The following PLEKHM1 variants were observed in gnomAD, a reference collection of about 807,000 sequenced individuals.
PLEKHM1 encodes the protein pleckstrin homology domain-containing family M member 1.
A neutral mutation model predicts 94.3 loss-of-function variants in PLEKHM1; 28 were observed. That is an observed-to-expected ratio of 0.30 (90% confidence interval 0.22 to 0.41). The LOEUF is 0.41. Among genes scored for constraint, PLEKHM1 ranks in the 10% least tolerant of loss-of-function variants. The probability of loss-of-function intolerance (pLI) is 1.00; values close to 1 mark genes in which losing one functional copy is unlikely to be tolerated. For missense variants in PLEKHM1, 907 were observed against 1,358.6 expected, an observed-to-expected ratio of 0.67 and a Z score of 5.22; for synonymous variants, 424 against 581.2, an observed-to-expected ratio of 0.73 and a Z score of 3.89.
At chr17:45,472,774 G>A (rs1249591072) in intron 4 of PLEKHM1, among the ~76,000 whole-genome samples, 1 of 152,148 alleles carries the variant, frequency 6.6e-6, no homozygotes, top group East Asian at 1.9e-4. Context: ...CTTGTAAGTG[G>A]TGGAACAGGA....
intron 9 of PLEKHM1, among the ~76,000 whole-genome samples, chr17:45,442,580 C>T (rs553905248): frequency 1.2e-4 from 18 of 152,200 alleles, no homozygotes; most frequent in African/African-American, 4.3e-4. Flanking sequence ...TAATTTTGTA[C>T]TTTTAGTAGA....
intron 1 of PLEKHM1, among the ~76,000 whole-genome samples, chr17:45,489,457 T>C (rs1329568537): frequency 6.6e-6 from 1 of 152,214 alleles, no homozygotes; most frequent in African/African-American, 2.4e-5. Flanking sequence ...ACAGCTTCCA[T>C]CATTCTGTGC....
chr17:45,473,289 T>C (rs1270683855), intron 4 of PLEKHM1, among the ~76,000 whole-genome samples: 7 of 151,466 alleles, frequency 4.6e-5, no homozygotes, highest in Non-Finnish European at 7.4e-5. Flanking sequence ...CAATATGCAA[T>C]AGAAAAAAAA....
At chr17:45,467,644 C>T (rs1196444087) in intron 5 of PLEKHM1, among the ~76,000 whole-genome samples, 9 of 152,028 alleles carry the variant, frequency 5.9e-5, no homozygotes, top group Admixed American at 5.9e-4. Context: ...ACCTGTAATC[C>T]CAGCTACTCA....
chr17:45,475,020 G>T (rs1376380189), intron 4 of PLEKHM1, 80 bp downstream of exon 4: 2 of 1,453,872 alleles, frequency 1.4e-6, no homozygotes, highest in East Asian at 4.7e-5. Context: ...ACAATCACAT[G>T]CTATGGGAAG....
intron 2 of PLEKHM1, among the ~76,000 whole-genome samples, chr17:45,481,137 C>T (rs554367128): frequency 7.0e-4 from 106 of 152,160 alleles, no homozygotes; most frequent in African/African-American, 2.5e-3. Context: ...ACTGTGGTTT[C>T]GATGTGCATT....
chr17:45,443,684 G>A (rs2050517451), intron 9 of PLEKHM1, among the ~76,000 whole-genome samples: 1 of 151,876 alleles, frequency 6.6e-6, no homozygotes, highest in African/African-American at 2.4e-5. Context: ...ACACAGGTCT[G>A]CATGCCTGTG....
rs1234530348 is a variant in PLEKHM1, at chr17:45,437,378, G to A, written c.*480C>T. ...CCTGAGTGGCTCCTGTGCATCCGCT[G>A]GGGGTGAGAATGTCTGGATTTCATG... On this transcript the variant is annotated 3_prime_UTR_variant, in exon 12 of 12. Coordinates refer to ENST00000430334, the MANE Select transcript of PLEKHM1 (RefSeq NM_014798.3). This position sits in a 1 kb window ranked among gnomAD's most constrained non-coding sequence, Gnocchi z 4.0. 2.2e-6 allele frequency: 1 copy of A among 454,328 alleles called. No individual in the cohort carries two copies. Among genetic ancestry groups the A allele is most frequent in the Admixed American group, 2.3e-5 (1 of 42,592 alleles). The allele number at this position is 454,328 out of a possible 1,614,324, so 28.1% of individuals were successfully genotyped here.
rs528139392 is a variant in PLEKHM1 at position 45,475,237 on chromosome 17, C to T, written c.786G>A (p.Leu262=). 1.9e-6 allele frequency: 3 copies of T among 1,613,970 alleles called. No homozygotes were observed. The East Asian group carries it at 6.7e-5, about 36-fold the overall frequency. The change falls in exon 4 of 12, where the codon CTG becomes CTA. Residue 262 remains leucine, a synonymous_variant. Coordinates refer to ENST00000430334, the MANE Select transcript of PLEKHM1 (RefSeq NM_014798.3). ...AGCTATCAGAGTTTAGGCTGCAGGA[C>T]AGCTGGGATGAACTGGCCGTGTCCA... The part of the protein sequence containing the change: ...LSLDTASSSQ[L]SCSLNSDSCL...
At chr17:45,476,787 C>T (rs544238212) in intron 3 of PLEKHM1, among the ~76,000 whole-genome samples, 1 of 152,260 alleles carries the variant, frequency 6.6e-6, no homozygotes, top group East Asian at 1.9e-4. Flanking sequence ...GATGTACATG[C>T]CCCTCTGAGC....
Position 45,486,232 on chromosome 17 carries a change from AAATAAAAAAATAAT to A in PLEKHM1, c.-41-3721_-41-3708del, listed in dbSNP as rs1479766085. Among the ~76,000 whole-genome samples, 61 of 145,240 alleles carry A rather than the reference AAATAAAAAAATAAT, an allele frequency of 4.2e-4. 1 individual carries two copies. Among genetic ancestry groups the A allele is most frequent in the African/African-American group, 1.5e-3 (58 of 39,978 alleles). The stretch of plus-strand genomic sequence containing the variant: ...ACTCCGTCTCAAAAAAAAAAAGATA[AAATAAAAAAATAAT>A]AATAATAATAATAATTTATGTCTCA... On this transcript the variant is annotated intron_variant, in intron 1 of 11. Transcript: ENST00000430334.
intron 9 of PLEKHM1, 56 bp from the exon 10 acceptor site, chr17:45,440,282 T>A (rs967233097): frequency 1.0e-5 from 16 of 1,543,852 alleles, no homozygotes; most frequent in Middle Eastern, 1.7e-4. Flanking sequence ...CAGGCTAGCC[T>A]GTGTTGTTTG....
Position 45,453,754 on chromosome 17 carries a change from G to A in PLEKHM1, c.2098C>T (p.Pro700Ser), listed in dbSNP as rs773494068. 1.2e-6 allele frequency: 2 copies of A among 1,613,946 alleles called. No individual in the cohort carries two copies. Among genetic ancestry groups the A allele is most frequent in the East Asian group, 2.2e-5 (1 of 44,880 alleles). ...TCCAAGGACAGAGAAAATATATAGG[G>A]CATCCAGGTCCTGTCCATGTACAAG... ...LYLYMDRTWMPYIFSLSLEAL... is the reference protein window; with the variant it reads ...LYLYMDRTWMSYIFSLSLEAL... Residue 700 changes from proline (P) to serine (S), a missense_variant, in exon 7 of 12, where the codon CCC (proline) becomes TCC (serine). Physicochemically the swap from Pro to Ser is moderately conservative, Grantham distance 74 (BLOSUM62 -1). Around this residue, in one of 3 missense-constraint regions of PLEKHM1, gnomAD observed 477 missense variants for 601.5 expected, o/e 0.79. Coordinates refer to ENST00000430334, the MANE Select transcript of PLEKHM1 (RefSeq NM_014798.3). The surrounding 1 kb of genome is among the most constrained non-coding windows in gnomAD (Gnocchi z 4.1).
At position 45,436,882 on chromosome 17, in the gene PLEKHM1, G is replaced by A. The variant is rs1156915362; in HGVS notation, c.*976C>T. The A allele has an allele frequency of 2.2e-6, 1 of 452,296 alleles. No homozygotes were observed. Among genetic ancestry groups the A allele is most frequent in the Admixed American group, 2.4e-5 (1 of 42,540 alleles). 28.0% of individuals were successfully genotyped at this position (452,296 alleles called of 1,614,324 possible). ...GGCGTGGCTGCCTGCCCTCTCTGGG[G>A]TCCTGCCTATCTGTGCCCTGGCAGG... On this transcript the variant is annotated 3_prime_UTR_variant, in exon 12 of 12. Transcript: ENST00000430334.
chr17:45,439,169 A>G (rs1248048658), intron 11 of PLEKHM1, among the ~76,000 whole-genome samples: 1 of 152,092 alleles, frequency 6.6e-6, no homozygotes, highest in African/African-American at 2.4e-5. Context: ...CCATGCATAC[A>G]CTGAGGCGCC....
At position 45,453,776 on chromosome 17, in the gene PLEKHM1, C is replaced by A; in HGVS notation, c.2076G>T (p.Leu692Phe). Residue 692 changes from leucine (L) to phenylalanine (F), a missense_variant, in exon 7 of 12, where the codon TTG (leucine) becomes TTT (phenylalanine). This residue lies in a region of PLEKHM1 where 477 missense variants were observed against 601.5 expected (regional missense o/e 0.79). Coordinates refer to ENST00000430334, the MANE Select transcript of PLEKHM1 (RefSeq NM_014798.3). This position sits in a 1 kb window ranked among gnomAD's most constrained non-coding sequence, Gnocchi z 4.1. ...AGGGCATCCAGGTCCTGTCCATGTA[C>A]AAGTACAGCAGGGACTCCTTGATGG... Reference protein sequence around the residue: ...PDAIKESLLYLYMDRTWMPYI... With the variant: ...PDAIKESLLYFYMDRTWMPYI... 1 of 1,613,982 alleles carries A rather than the reference C, an allele frequency of 6.2e-7. No homozygotes were observed.
chr17:45,478,561 G>A (rs2145335703), intron 2 of PLEKHM1, among the ~76,000 whole-genome samples: 1 of 152,278 alleles, frequency 6.6e-6, no homozygotes, highest in African/African-American at 2.4e-5. Context: ...ACATGGACAA[G>A]CTTCTGTAGA....
At position 45,458,346 on chromosome 17, in the gene PLEKHM1, T is replaced by G. The variant is rs778454341; in HGVS notation, c.1402A>C (p.Arg468=). 4.3e-6 allele frequency: 7 copies of G among 1,613,888 alleles called. No homozygotes were observed. In the Admixed American group the frequency reaches 8.3e-5, roughly 19 times the overall value. The change falls in exon 6 of 12, where the codon AGG becomes CGG. Residue 468 remains arginine, a synonymous_variant. Transcript: ENST00000430334. The stretch of plus-strand genomic sequence containing the variant: ...CCAGGCCTTGACCCTGGAGTCCCCC[T>G]GTAAGAAGCTATTGGGTGGTCTGAA... ...SASDHPIASY[R]GTPGSRPGLH...
At chr17:45,446,153 G>A (rs1330855221) in intron 8 of PLEKHM1, 3 of 230,372 alleles carry the variant, frequency 1.3e-5, no homozygotes, top group Non-Finnish European at 2.6e-5. Context: ...GAGCTCCCTC[G>A]GCTCACACCA....
Sources: allele counts gnomAD v4.1 joint callset (sites outside exome capture counted in the v4.1 genomes callset), GRCh38; gene constraint gnomAD v4.1.1; regional missense constraint gnomAD v4.1.1; non-coding constraint Gnocchi (gnomAD v3.1); transcripts MANE v1.5; gene names NCBI Gene and HGNC (gene_info 2026-07-23, HGNC 2026-07-21).